The following ZNF718 variants were observed in gnomAD, a reference collection of about 807,000 sequenced individuals.
The protein encoded by ZNF718 is zinc finger protein 718.
Under a neutral mutation model 2.6 loss-of-function variants are expected in ZNF718, and 3 were observed. The observed-to-expected ratio is 1.16, with a 90% CI of 0.53 to 3.01. The LOEUF (loss-of-function observed/expected upper bound fraction) is 3.01, where lower values mean the gene tolerates loss of function less well. Among genes scored for constraint, ZNF718 ranks in the 30% most tolerant of loss-of-function variants. The pLI is 0.03. For missense variants in ZNF718, 468 were observed against 230.0 expected (o/e 2.03, Z -6.69); for synonymous variants, 135 against 77.9 (o/e 1.73, Z -3.86).
intron 3 of ZNF718, among the ~76,000 whole-genome samples, chr4:133,190 AAAAAAAT>A (rs1379670822): frequency 8.7e-5 from 2 of 23,034 alleles, no homozygotes; most frequent in African/African-American, 4.0e-4. Flanking sequence ...AAAAAAAAAA[AAAAAAAT>A]ATATATATAT....
chr4:167,701 G>C (rs2108808491), downstream of ZNF718, among the ~76,000 whole-genome samples: 1 of 152,270 alleles, frequency 6.6e-6, no homozygotes, highest in East Asian at 1.9e-4. Context: ...CATTGATTTT[G>C]TGTCCTGAGA....
At chr4:183,288 T>G (rs1324545552) in intron 3 of ZNF718, among the ~76,000 whole-genome samples, 1 of 152,184 alleles carries the variant, frequency 6.6e-6, no homozygotes, top group East Asian at 1.9e-4. Context: ...TTTGTCAGAT[T>G]TGTTGAAGAC....
At chr4:196,855 G>A (rs782526495) in intron 3 of ZNF718, among the ~76,000 whole-genome samples, 4 of 151,908 alleles carry the variant, frequency 2.6e-5, no homozygotes, top group Non-Finnish European at 5.9e-5. Context: ...GCTGACAGGT[G>A]CCCAGTATTT....
At chr4:195,157 A>G (rs562599341) in intron 3 of ZNF718, among the ~76,000 whole-genome samples, 2 of 152,346 alleles carry the variant, frequency 1.3e-5, no homozygotes, top group South Asian at 2.1e-4. Context: ...ATGCATCCCT[A>G]TAAACAACAG....
At chr4:149,598 T>A (rs1553812154) in intron 3 of ZNF718, 2 of 152,202 alleles carry the variant, frequency 1.3e-5, no homozygotes, top group African/African-American at 2.4e-5. Flanking sequence ...TGGGTTTCAC[T>A]TGAGGCAATT....
Position 189,130 on chromosome 4 carries a change from G to A in ZNF718, c.227-11951G>A, listed in dbSNP as rs1447116981. Among the ~76,000 whole-genome samples the A allele has an allele frequency of 3.5e-5, 5 of 143,012 alleles. 1 individual carries two copies. In the East Asian group the frequency reaches 6.1e-4, roughly 17 times the overall value. The allele number at this position is 143,012 out of a possible 152,430, so 93.8% of individuals were successfully genotyped here. On this transcript the variant is annotated intron_variant and NMD_transcript_variant, in intron 3 of 4. Coordinates refer to the ZNF718 transcript ENST00000642529. ...GGCTGGAGTGCAATGGTGCAATCTC[G>A]GCCCACTGCAACCTCTGCCTCCTGG... is the stretch of plus-strand genomic sequence containing the variant.
chr4:136,054 G>A (rs931392403), intron 3 of ZNF718, among the ~76,000 whole-genome samples: 12 of 152,122 alleles, frequency 7.9e-5, no homozygotes, highest in African/African-American at 2.9e-4. Flanking sequence ...CTCTGCTTTT[G>A]ATGGTTGTGT....
At chr4:160,021 T>A (rs1483504005) in intron 3 of ZNF718, among the ~76,000 whole-genome samples, 1 of 152,202 alleles carries the variant, frequency 6.6e-6, no homozygotes, top group Non-Finnish European at 1.5e-5. Context: ...AAAGAGTTTG[T>A]TCATGTTTCT....
chr4:190,266 T>TA (rs1255325927), intron 3 of ZNF718, among the ~76,000 whole-genome samples: 1 of 151,688 alleles, frequency 6.6e-6, no homozygotes, highest in Non-Finnish European at 1.5e-5. Flanking sequence ...CCGCCTGTAC[T>TA]AAAAATACAA....
chr4:156,504 G>GAA (rs1716573765), intron 3 of ZNF718, among the ~76,000 whole-genome samples: 24 of 151,600 alleles, frequency 1.6e-4, no homozygotes, highest in African/African-American at 5.8e-4. Flanking sequence ...AAAAAAAACA[G>GAA]ACTTTACAAT....
intron 3 of ZNF718, among the ~76,000 whole-genome samples, chr4:184,616 A>G (rs182946101): frequency 2.9e-4 from 44 of 152,258 alleles, no homozygotes; most frequent in African/African-American, 1.1e-3. Flanking sequence ...CCTCTGGTAG[A>G]ATTCAGCTTT....
chr4:193,865 G>A (rs1553821624), intron 3 of ZNF718, among the ~76,000 whole-genome samples: 2 of 152,192 alleles, frequency 1.3e-5, no homozygotes, highest in East Asian at 1.9e-4. Flanking sequence ...GGGGCAGTGG[G>A]CCTTACAGTG....
intron 3 of ZNF718, among the ~76,000 whole-genome samples, chr4:196,289 G>A (rs1387282211): frequency 6.6e-6 from 1 of 152,162 alleles, no homozygotes; most frequent in Non-Finnish European, 1.5e-5. Context: ...TGGCAAGGGT[G>A]GTGGGGAACA....
At position 162,228 on chromosome 4, in the gene ZNF718, C is replaced by T. The variant is rs781984400; in HGVS notation, c.*106C>T. The T allele has an allele frequency of 2.2e-4, 129 of 578,530 alleles. No individual in the cohort carries two copies. The highest frequency in any genetic ancestry group is 3.5e-4 in the Non-Finnish European group (110 of 318,702). The allele number at this position is 578,530 out of a possible 1,614,324, so 35.8% of individuals were successfully genotyped here. ...TGAAAAAATTGACAAAGCTTTTAAC[C>T]GCAACTCAATCTGTTCTAAACATAA... On this transcript the variant is annotated 3_prime_UTR_variant, in exon 4 of 4. Transcript: ENST00000510175.
intron 3 of ZNF718, among the ~76,000 whole-genome samples, chr4:200,709 C>T (rs1425813956): frequency 2.0e-5 from 3 of 151,688 alleles, no homozygotes; most frequent in Non-Finnish European, 4.4e-5. Flanking sequence ...TTTTAATGCA[C>T]CAGGTTTAAA....
At chr4:158,564 A>G (rs1716680150) in intron 3 of ZNF718, among the ~76,000 whole-genome samples, 1 of 151,822 alleles carries the variant, frequency 6.6e-6, no homozygotes, top group Non-Finnish European at 1.5e-5. Context: ...AATTTCTTAA[A>G]TTTAAAATAA....
In ZNF718 at chr4:127,111, A is replaced by G. The variant is rs533129845; in HGVS notation, c.3+2438A>G. On this transcript the variant is annotated intron_variant, in intron 1 of 3. Coordinates refer to ENST00000510175, the MANE Select transcript of ZNF718 (RefSeq NM_001039127.6). ...AGTGCTGGGATTATAGGCGTGAGCC[A>G]CCGTGCCTGGCTGAAAATTTTTCTT... 8.4e-4 allele frequency among the ~76,000 whole-genome samples: 123 copies of G among 146,248 alleles called. 10 individuals carry two copies. The highest frequency in any genetic ancestry group is 3.0e-3 in the African/African-American group (120 of 39,724).
At chr4:181,815 C>T (rs1306121400) in intron 3 of ZNF718, among the ~76,000 whole-genome samples, 3 of 152,138 alleles carry the variant, frequency 2.0e-5, no homozygotes, top group Admixed American at 6.6e-5. Flanking sequence ...TCCTCTACTT[C>T]CTCTCACCTT....
In ZNF718 at chr4:129,225, G is replaced by T. The variant is rs1473723235; in HGVS notation, c.4-1563G>T. The stretch of plus-strand genomic sequence containing the variant: ...GGTTTTGGTTAAATTCCTTGTTATT[G>T]TGTGTTATAATGTTATAAAATAGGG... On this transcript the variant is annotated intron_variant, in intron 1 of 3. Transcript: ENST00000510175. 1.5e-4 allele frequency among the ~76,000 whole-genome samples: 16 copies of T among 105,280 alleles called. 4 individuals carry two copies. Among genetic ancestry groups the T allele is most frequent in the African/African-American group, 4.9e-4 (15 of 30,528 alleles). The allele number at this position is 105,280 out of a possible 152,430, so 69.1% of individuals were successfully genotyped here.
Sources: allele counts gnomAD v4.1 joint callset (sites outside exome capture counted in the v4.1 genomes callset), GRCh38; gene constraint gnomAD v4.1.1; transcripts MANE v1.5; gene names NCBI Gene and HGNC (gene_info 2026-07-23, HGNC 2026-07-21).